The following PSMD13 variants were observed in gnomAD, a reference collection of about 807,000 sequenced individuals.
PSMD13 encodes the protein proteasome 26S subunit, non-ATPase 13.
A neutral mutation model predicts 57.4 loss-of-function variants in PSMD13; 8 were observed. That is an observed-to-expected ratio of 0.14 (90% CI 0.08 to 0.25). PSMD13 has a LOEUF of 0.25. PSMD13 is among the 10% of genes least tolerant of loss of function. The pLI is 1.00. For missense variants in PSMD13, 400 were observed against 461.5 expected (o/e 0.87, Z 1.22); for synonymous variants, 193 against 168.2 (o/e 1.15, Z -1.14).
At chr11:238,974 T>A in intron 1 of PSMD13, 24 bp from the exon 2 acceptor site, 2 of 1,607,356 alleles carry the variant, frequency 1.2e-6, no homozygotes, top group Non-Finnish European at 1.7e-6. Flanking sequence ...AGGTTAGAGG[T>A]CTTAAGGGCT....
Position 238,866 on chromosome 11 carries a change from T to C in PSMD13, c.96-132T>C, listed in dbSNP as rs1859456544. On this transcript the variant is annotated intron_variant, in intron 1 of 12. Coordinates refer to ENST00000532097, the MANE Select transcript of PSMD13 (RefSeq NM_002817.4). ...AAAAGTTTTGGATTTTGGAGCATTT[T>C]GAATTTTGGAGTTTTGGAGTTTTGG... is the stretch of plus-strand genomic sequence containing the variant. 4 of 885,648 alleles carry C rather than the reference T, an allele frequency of 4.5e-6. No homozygotes were observed. The East Asian group carries it at 9.9e-5, about 22-fold the overall frequency. The allele number at this position is 885,648 out of a possible 1,614,324, so 54.9% of individuals were successfully genotyped here.
rs192630557 is a variant in PSMD13 at position 237,719 on chromosome 11, A to C, written c.95+575A>C. ...CGCCGTCCCATTGTCTTTACCTTCC[A>C]TTGTATTTCTCATGGGCTTTCTGCC... On this transcript the variant is annotated intron_variant, in intron 1 of 12. Transcript: ENST00000532097. 1.2e-4 allele frequency among the ~76,000 whole-genome samples: 18 copies of C among 152,258 alleles called. No homozygotes were observed. In the East Asian group the frequency reaches 3.1e-3, roughly 26 times the overall value.
rs1175651340 is a variant in PSMD13, at chr11:248,769, A to T, written c.569-7A>T. 2.5e-6 allele frequency: 4 copies of T among 1,613,414 alleles called. No individual in the cohort carries two copies. In the African/African-American group the frequency reaches 5.3e-5, roughly 22 times the overall value. On this transcript the variant is annotated splice_region_variant and splice_polypyrimidine_tract_variant and intron_variant, in intron 7 of 12. Coordinates refer to ENST00000532097, the MANE Select transcript of PSMD13 (RefSeq NM_002817.4). The stretch of plus-strand genomic sequence containing the variant: ...GGATTGTAAGTGGGCCTGTGTTGCT[A>T]CCATAGTGTCTGAGCAGCAGGAGAG...
In PSMD13 at chr11:252,048, A is replaced by G. The variant is rs528792938; in HGVS notation, c.1035+112A>G. On this transcript the variant is annotated intron_variant, in intron 12 of 12. Coordinates refer to ENST00000532097, the MANE Select transcript of PSMD13 (RefSeq NM_002817.4). The surrounding 1 kb of genome is among the most constrained non-coding windows in gnomAD (Gnocchi z 4.1). ...TTTGGGAAGACAGCATTATTAGACAAGAGGTTTTGGAGAAGGAAATACTGC... is the reference window on the plus strand; with the variant it reads ...TTTGGGAAGACAGCATTATTAGACAGGAGGTTTTGGAGAAGGAAATACTGC... 3 of 1,038,194 alleles carry G rather than the reference A, an allele frequency of 2.9e-6. No individual in the cohort carries two copies. The South Asian group carries it at 4.5e-5, about 16-fold the overall frequency. 64.3% of individuals were successfully genotyped at this position (1,038,194 alleles called of 1,614,324 possible). A position where few individuals can be genotyped will look rare whatever the true frequency, so the allele number is the denominator to read the frequency against.
intron 2 of PSMD13, among the ~76,000 whole-genome samples, chr11:242,802 CT>C (rs887890095): frequency 8.1e-5 from 12 of 148,466 alleles, no homozygotes; most frequent in Admixed American, 1.4e-4. Context: ...TTCTTTTTCT[CT>C]TTTTTTTTTG....
intron 2 of PSMD13, chr11:243,508 C>A: frequency 3.1e-6 from 1 of 319,542 alleles, no homozygotes; most frequent in Non-Finnish European, 6.1e-6. Context: ...GAATCTCTGG[C>A]TGTAGGATTT....
chr11:244,027 T>A lies in PSMD13; in HGVS notation c.175-14T>A. 6.2e-7 allele frequency: 1 copy of A among 1,602,056 alleles called. No individual in the cohort carries two copies. The highest frequency in any genetic ancestry group is 8.5e-7 in the Non-Finnish European group (1 of 1,172,316). ...AGACATCCTATAATTTCTCTCCATG[T>A]TTTGGTTTCACAGCTTTATGAAAAC... is the stretch of plus-strand genomic sequence containing the variant. On this transcript the variant is annotated splice_polypyrimidine_tract_variant and intron_variant, in intron 2 of 12. Transcript: ENST00000532097.
chr11:248,855 C>T lies in PSMD13; in HGVS notation c.648C>T (p.Leu216=), dbSNP rs139390743. The T allele has an allele frequency of 2.0e-4, 330 of 1,614,070 alleles. No homozygotes were observed. The African/African-American group carries it at 2.9e-3, about 14-fold the overall frequency. ...AGGGAGTTTTTAACTTTGGAGAACT[C>T]GTAAGTTGACCCTGAGCTCAGCTTC... is the stretch of plus-strand genomic sequence containing the variant. ...LGEGVFNFGE[L]LMHPVLESLR... Residue 216 remains leucine (L), a splice_region_variant and synonymous_variant, in exon 8 of 13, where the codon CTC becomes CTT. Transcript: ENST00000532097.
intron 9 of PSMD13, among the ~76,000 whole-genome samples, chr11:249,334 G>A (rs1431468561): frequency 2.6e-5 from 4 of 152,108 alleles, no homozygotes; most frequent in Non-Finnish European, 5.9e-5. Context: ...CACAGAAGAT[G>A]TAGAAGTCAT....
chr11:251,420 A>C lies in PSMD13; in HGVS notation c.838-126A>C. On this transcript the variant is annotated intron_variant, in intron 10 of 12. Transcript: ENST00000532097. The surrounding 1 kb of genome is among the most constrained non-coding windows in gnomAD (Gnocchi z 4.6). ...CAAGATATATGTCTAATATTAGGAA[A>C]CTTTTTAGTATGTGGGGTACTAATA... The C allele has an allele frequency of 1.3e-6, 1 of 797,344 alleles. No homozygotes were observed. Among genetic ancestry groups the C allele is most frequent in the Non-Finnish European group, 2.0e-6 (1 of 505,694 alleles). The allele number at this position is 797,344 out of a possible 1,614,324, so 49.4% of individuals were successfully genotyped here.
intron 6 of PSMD13, among the ~76,000 whole-genome samples, chr11:245,706 GTGTGTTTGTGTGTGTGTGTT>G (rs1859631659): frequency 7.9e-5 from 1 of 12,608 alleles, no homozygotes; most frequent in East Asian, 4.2e-3. Context: ...GTGTGTTTGT[GTGTGTTTGTGTGTGTGTGTT>G]TGTGTGTGTG....
chr11:245,863 G>T (rs1208926418), intron 6 of PSMD13, among the ~76,000 whole-genome samples: 2 of 152,070 alleles, frequency 1.3e-5, no homozygotes, highest in Non-Finnish European at 2.9e-5. Context: ...CATACTTAGT[G>T]CATTTTATTT....
intron 2 of PSMD13, chr11:243,497 T>G (rs1859561611): frequency 1.6e-5 from 5 of 314,840 alleles, no homozygotes; most frequent in Non-Finnish European, 3.1e-5. Context: ...ACATAGATCT[T>G]GAATCTCTGG....
intron 1 of PSMD13, among the ~76,000 whole-genome samples, chr11:238,169 T>G (rs915296633): frequency 1.3e-5 from 2 of 152,234 alleles, no homozygotes; most frequent in African/African-American, 4.8e-5. Flanking sequence ...AATCCTTTAT[T>G]CATCCTTTTC....
chr11:250,998 C>T, intron 10 of PSMD13, 133 bp downstream of exon 10: 2 of 771,946 alleles, frequency 2.6e-6, no homozygotes, highest in Non-Finnish European at 4.4e-6. Context: ...CCGCTCTCTT[C>T]ACCACCTTCC....
chr11:248,633 A>G (rs1859703823), intron 7 of PSMD13, 143 bp from the exon 8 acceptor site: 3 of 765,210 alleles, frequency 3.9e-6, no homozygotes, highest in South Asian at 3.5e-5. Flanking sequence ...CCAATACTTC[A>G]GAAGAGGTGA....
At chr11:250,989 C>T (rs972831101) in intron 10 of PSMD13, 124 bp downstream of exon 10, 4 of 845,952 alleles carry the variant, frequency 4.7e-6, no homozygotes, top group South Asian at 2.8e-5. Context: ...TGCTGTGCGC[C>T]GCTCTCTTCA....
intron 6 of PSMD13, among the ~76,000 whole-genome samples, chr11:245,129 G>C (rs1859604008): frequency 6.6e-6 from 1 of 152,058 alleles, no homozygotes; most frequent in African/African-American, 2.4e-5. Flanking sequence ...TTTTAGTAGA[G>C]ACAGGGTTTC....
chr11:242,242 C>G (rs1255432040), intron 2 of PSMD13, among the ~76,000 whole-genome samples: 1 of 148,548 alleles, frequency 6.7e-6, no homozygotes, highest in East Asian at 2.0e-4. Flanking sequence ...ATTTGTCTTA[C>G]ACGTTCTATG....
Sources: gnomAD v4.1 joint callset for allele counts (sites outside exome capture counted in the v4.1 genomes callset) on GRCh38, gnomAD v4.1.1 for gene constraint, Gnocchi (gnomAD v3.1) non-coding constraint, MANE v1.5 for transcripts, NCBI Gene and HGNC (gene_info 2026-07-23, HGNC 2026-07-21) for gene names.